Variants in KLF12 observed in about 807,000 individuals in gnomAD.
KLF12 encodes the protein KLF transcription factor 12.
In KLF12, 9 loss-of-function variants were observed where a neutral mutation model predicts 37.8. That is an observed-to-expected ratio of 0.24 (90% CI 0.14 to 0.42). The LOEUF (loss-of-function observed/expected upper bound fraction) is 0.42. Among genes scored for constraint, KLF12 ranks in the 10% least tolerant of loss-of-function variants. The pLI, the probability that KLF12 is intolerant of heterozygous loss-of-function variation, is 1.00. For synonymous variants in KLF12, 208 were observed against 202.1 expected (o/e 1.03, Z -0.25); for missense variants, 411 against 516.0 (o/e 0.80, Z 1.97).
chr13:74,093,541 A>C, intron 1 of KLF12, among the ~76,000 whole-genome samples: 1 of 152,190 alleles, frequency 6.6e-6, no homozygotes, highest in Admixed American at 6.5e-5. Flanking sequence ...AGAACATTGT[A>C]AACTATAAAT....
chr13:73,876,266 G>A (rs951711077), intron 3 of KLF12, among the ~76,000 whole-genome samples: 6 of 152,164 alleles, frequency 3.9e-5, no homozygotes, highest in Non-Finnish European at 1.5e-5. Flanking sequence ...CCTTGTGGCT[G>A]TAGGACAGAT....
intron 5 of KLF12, among the ~76,000 whole-genome samples, chr13:73,803,357 G>T (rs952432044): frequency 1.3e-5 from 2 of 152,078 alleles, no homozygotes; most frequent in African/African-American, 4.8e-5. Context: ...CTTCTGCCTG[G>T]AATGCTCTTC....
chr13:73,748,521 C>G (rs1403973988), intron 6 of KLF12, among the ~76,000 whole-genome samples: 1 of 152,102 alleles, frequency 6.6e-6, no homozygotes, highest in Non-Finnish European at 1.5e-5. Context: ...TCTCTTCTCT[C>G]TCCACTTTTT....
intron 6 of KLF12, among the ~76,000 whole-genome samples, chr13:73,724,349 T>C (rs1000430666): frequency 3.3e-5 from 5 of 152,246 alleles, no homozygotes; most frequent in Non-Finnish European, 5.9e-5. Context: ...TGAGAACACA[T>C]AGACACAGGG....
chr13:74,071,056 CATA>C (rs1874206056), intron 1 of KLF12, among the ~76,000 whole-genome samples: 1 of 152,194 alleles, frequency 6.6e-6, no homozygotes, highest in Non-Finnish European at 1.5e-5. Flanking sequence ...TGATGCTCTT[CATA>C]ATGTTAACCA....
the KLF12 span, among the ~76,000 whole-genome samples, chr13:74,291,636 G>A: frequency 7.0e-4 from 106 of 152,240 alleles, no homozygotes; most frequent in African/African-American, 2.0e-3. Context: ...GATTTTAACC[G>A]GCAGAAAAAG....
At chr13:73,951,895 G>C (rs972790003) in intron 2 of KLF12, among the ~76,000 whole-genome samples, 18 of 152,202 alleles carry the variant, frequency 1.2e-4, no homozygotes, top group African/African-American at 4.3e-4. Context: ...TTCTCTTTTT[G>C]TTCGTAACAG....
chr13:74,156,645 C>T, the KLF12 span, among the ~76,000 whole-genome samples: 1 of 135,904 alleles, frequency 7.4e-6, no homozygotes, highest in South Asian at 2.4e-4. Context: ...TTCCCAATGT[C>T]TGGTAACAAT....
intron 1 of KLF12, among the ~76,000 whole-genome samples, chr13:74,055,172 C>T (rs1873176690): frequency 6.6e-6 from 1 of 152,304 alleles, no homozygotes; most frequent in Non-Finnish European, 1.5e-5. Context: ...CATAAGAAAG[C>T]TAACAAAGTT....
intron 1 of KLF12, among the ~76,000 whole-genome samples, chr13:74,065,582 T>C (rs1016282716): frequency 6.6e-6 from 1 of 152,144 alleles, no homozygotes; most frequent in Non-Finnish European, 1.5e-5. Flanking sequence ...GTTTGTGTGT[T>C]GTACTGTTTT....
chr13:73,784,791 C>T (rs920501816), intron 5 of KLF12, among the ~76,000 whole-genome samples: 6 of 151,942 alleles, frequency 3.9e-5, no homozygotes, highest in Non-Finnish European at 7.4e-5. Context: ...CCACCATGCC[C>T]GGCTAGTTTT....
chr13:74,157,997 C>A, the KLF12 span, among the ~76,000 whole-genome samples: 1 of 152,158 alleles, frequency 6.6e-6, no homozygotes, highest in African/African-American at 2.4e-5. Flanking sequence ...ACTTCATTAG[C>A]TTATTCTCAC....
At chr13:73,782,540 A>C (rs1184208294) in intron 5 of KLF12, among the ~76,000 whole-genome samples, 1 of 152,224 alleles carries the variant, frequency 6.6e-6, no homozygotes. Flanking sequence ...TTAAATGCTT[A>C]ATTTTAAAAT....
chr13:74,054,723 C>T (rs931079020), intron 1 of KLF12, among the ~76,000 whole-genome samples: 3 of 152,200 alleles, frequency 2.0e-5, no homozygotes, highest in Non-Finnish European at 2.9e-5. Flanking sequence ...TTGCTAACTA[C>T]ATTAACACCA....
the KLF12 span, among the ~76,000 whole-genome samples, chr13:74,265,794 G>T: frequency 6.6e-6 from 1 of 152,164 alleles, no homozygotes; most frequent in African/African-American, 2.4e-5. Flanking sequence ...AGGAATAAGA[G>T]TTATTATGAA....
chr13:73,948,399 T>G (rs1171439710), intron 2 of KLF12, among the ~76,000 whole-genome samples: 1 of 152,072 alleles, frequency 6.6e-6, no homozygotes, highest in Admixed American at 6.5e-5. Context: ...TTCTATTTTT[T>G]GTAGAGACGG....
At chr13:74,223,187 TTA>T in the KLF12 span, among the ~76,000 whole-genome samples, 1 of 152,244 alleles carries the variant, frequency 6.6e-6, no homozygotes, top group Non-Finnish European at 1.5e-5. Flanking sequence ...GTAACTTATT[TTA>T]TGAGTAAACA....
the KLF12 span, among the ~76,000 whole-genome samples, chr13:74,265,991 G>A: frequency 1.3e-5 from 2 of 152,182 alleles, no homozygotes; most frequent in Admixed American, 1.3e-4. Context: ...AAGACAGATG[G>A]GTCTTGGAGA....
At chr13:74,139,543 A>G in the KLF12 span, among the ~76,000 whole-genome samples, 2 of 152,208 alleles carry the variant, frequency 1.3e-5, no homozygotes, top group East Asian at 3.8e-4. Flanking sequence ...AGTGTTCCTC[A>G]AGCAACCTTC....
Sources: allele counts gnomAD v4.1 joint callset (sites outside exome capture counted in the v4.1 genomes callset), GRCh38; gene constraint gnomAD v4.1.1; transcripts MANE v1.5; gene names NCBI Gene and HGNC (gene_info 2026-07-23, HGNC 2026-07-21).